The following SLC36A1 variants were observed in gnomAD, a reference collection of about 807,000 sequenced individuals.
SLC36A1 encodes solute carrier family 36 member 1, also known as proton-coupled amino acid transporter 1.
Under a neutral mutation model 47.5 loss-of-function variants are expected in SLC36A1, and 30 were observed. That is an observed-to-expected ratio of 0.63 (90% CI 0.47 to 0.86). The LOEUF is 0.86. Among genes scored for constraint, SLC36A1 ranks in the 40% least tolerant of loss-of-function variants. SLC36A1 has a pLI of 0.00. For missense variants in SLC36A1, 517 were observed against 606.0 expected (o/e 0.85, Z 1.54); for synonymous variants, 255 against 249.7 (o/e 1.02, Z -0.20).
the SLC36A1 span, among the ~76,000 whole-genome samples, chr5:151,500,671 C>T: frequency 2.6e-5 from 4 of 152,146 alleles, no homozygotes; most frequent in Admixed American, 2.6e-4. Flanking sequence ...CCTGGCCCCT[C>T]ATTAGGTTTT....
At chr5:151,468,385 A>G (rs1213417456) in intron 7 of SLC36A1, among the ~76,000 whole-genome samples, 1 of 142,176 alleles carries the variant, frequency 7.0e-6, no homozygotes, top group Non-Finnish European at 1.5e-5. Context: ...AATATATATT[A>G]TGTACATGCA....
intron 2 of SLC36A1, among the ~76,000 whole-genome samples, chr5:151,461,682 C>T (rs73796588): frequency 0.068 from 10,344 of 152,184 alleles, 1,167 homozygotes; most frequent in African/African-American, 0.24. Flanking sequence ...CACTGTAGAA[C>T]GAATCAAGGC....
Position 151,473,798 on chromosome 5 carries a change from A to G in SLC36A1, c.822+27A>G, listed in dbSNP as rs73796600. 3,306 of 1,541,740 alleles carry G rather than the reference A, an allele frequency of 2.1e-3. 57 individuals carry two copies. The African/African-American group carries it at 0.04, about 19-fold the overall frequency. ...TAAGAGCTGCACTGTGATTTGGGCT[A>G]GTGTTCTCTGGTGCCCTTGGTGTTC... On this transcript the variant is annotated intron_variant, in intron 8 of 10. Transcript: ENST00000243389.
chr5:151,461,627 T>C (rs1755527972), intron 2 of SLC36A1, among the ~76,000 whole-genome samples: 1 of 152,216 alleles, frequency 6.6e-6, no homozygotes, highest in South Asian at 2.1e-4. Context: ...TTTTCACTTG[T>C]GGATATTTGC....
At chr5:151,411,196 G>A in the SLC36A1 span, among the ~76,000 whole-genome samples, 1 of 144,796 alleles carries the variant, frequency 6.9e-6, no homozygotes. Flanking sequence ...CATCCATGGT[G>A]GGTGTCAGGA....
rs779959514 is a variant in SLC36A1 at position 151,458,912 on chromosome 5, C to T, written c.120C>T (p.Arg40=). 5.6e-6 allele frequency: 9 copies of T among 1,613,304 alleles called. No homozygotes were observed. In the African/African-American group the frequency reaches 1.2e-4, roughly 22 times the overall value. The change falls in exon 2 of 11, where the codon CGC becomes CGT. Residue 40 remains arginine (R), a synonymous_variant. Coordinates refer to ENST00000243389, the MANE Select transcript of SLC36A1 (RefSeq NM_078483.4). The stretch of plus-strand genomic sequence containing the variant: ...TCTCCTCCCCGGGCTCCTACCAGCG[C>T]TTTGGTCAAAGCAATAGCACAACGT... ...NNLSSPGSYQ[R]FGQSNSTTWF...
the SLC36A1 span, among the ~76,000 whole-genome samples, chr5:151,412,900 C>T: frequency 1.4e-5 from 2 of 144,468 alleles, no homozygotes; most frequent in African/African-American, 5.0e-5. Context: ...CCCAAAATTC[C>T]CTTCTTAGTG....
the SLC36A1 span, among the ~76,000 whole-genome samples, chr5:151,498,758 A>G: frequency 5.9e-5 from 9 of 152,184 alleles, no homozygotes; most frequent in Non-Finnish European, 1.0e-4. Context: ...CCCTTAGCCT[A>G]GCTGACCCTC....
the SLC36A1 span, chr5:151,512,013 T>C: frequency 3.0e-6 from 2 of 655,946 alleles, no homozygotes; most frequent in East Asian, 5.5e-5. The surrounding 1 kb of genome is among the most constrained non-coding windows in gnomAD (Gnocchi z 4.1). Flanking sequence ...CTAGTCTAGA[T>C]ATTGCAGATT....
the SLC36A1 span, among the ~76,000 whole-genome samples, chr5:151,372,992 A>G: frequency 2.0e-5 from 3 of 152,230 alleles, no homozygotes; most frequent in African/African-American, 7.2e-5. Flanking sequence ...TAAGAGGATC[A>G]CTTGAGTTCA....
chr5:151,462,571 G>A (rs1196099738), intron 2 of SLC36A1, among the ~76,000 whole-genome samples: 1 of 151,808 alleles, frequency 6.6e-6, no homozygotes, highest in Non-Finnish European at 1.5e-5. Context: ...CACCATGTTG[G>A]CCAGGATAGT....
the SLC36A1 span, among the ~76,000 whole-genome samples, chr5:151,502,419 T>C: frequency 6.7e-6 from 1 of 148,230 alleles, no homozygotes; most frequent in Admixed American, 6.6e-5. Flanking sequence ...TACTGTTTTC[T>C]AAAATATACA....
In SLC36A1 at chr5:151,463,709, A is replaced by G. The variant is rs915473951; in HGVS notation, c.234+66A>G. On this transcript the variant is annotated intron_variant, in intron 3 of 10. Transcript: ENST00000243389. ...TAGGAGGTAGCTTTTTGTTGTTGTT[A>G]AAATGTACTTGCTTTAAAACATTTT... The G allele has an allele frequency of 2.5e-6, 3 of 1,222,012 alleles. No individual in the cohort carries two copies. In the African/African-American group the frequency reaches 4.5e-5, roughly 18 times the overall value. 75.7% of individuals were successfully genotyped at this position (1,222,012 alleles called of 1,614,324 possible).
chr5:151,409,103 G>A, the SLC36A1 span, among the ~76,000 whole-genome samples: 3 of 151,458 alleles, frequency 2.0e-5, no homozygotes, highest in Non-Finnish European at 4.4e-5. Flanking sequence ...GGCTCAGGGT[G>A]ATCCTCCCAC....
At chr5:151,407,923 A>C in the SLC36A1 span, among the ~76,000 whole-genome samples, 1 of 152,206 alleles carries the variant, frequency 6.6e-6, no homozygotes, top group Non-Finnish European at 1.5e-5. Flanking sequence ...TCCTCTAATA[A>C]GATAATATAA....
chr5:151,472,132 A>G (rs1159489452), intron 7 of SLC36A1, among the ~76,000 whole-genome samples: 2 of 152,218 alleles, frequency 1.3e-5, no homozygotes, highest in African/African-American at 4.8e-5. Flanking sequence ...TTATTAAGGA[A>G]TATTAACTCA....
intron 10 of SLC36A1, among the ~76,000 whole-genome samples, chr5:151,480,901 G>A (rs765633341): frequency 2.6e-5 from 4 of 152,168 alleles, no homozygotes; most frequent in Middle Eastern, 3.4e-3. Flanking sequence ...TGCTCCCTCC[G>A]GAAAAAGTAG....
At chr5:151,350,010 C>T in the SLC36A1 span, among the ~76,000 whole-genome samples, 3 of 152,122 alleles carry the variant, frequency 2.0e-5, no homozygotes, top group East Asian at 1.9e-4. Flanking sequence ...TGCCTGAGGT[C>T]GTATAATCTG....
chr5:151,473,806 C>T (rs773146476), intron 8 of SLC36A1, 35 bp downstream of exon 8: 35 of 1,488,296 alleles, frequency 2.4e-5, no homozygotes, highest in Admixed American at 1.5e-4. Flanking sequence ...CTAGTGTTCT[C>T]TGGTGCCCTT....
Sources: allele counts gnomAD v4.1 joint callset (sites outside exome capture counted in the v4.1 genomes callset), GRCh38; gene constraint gnomAD v4.1.1; non-coding constraint Gnocchi (gnomAD v3.1); transcripts MANE v1.5; gene names NCBI Gene and HGNC (gene_info 2026-07-23, HGNC 2026-07-21).